Variants in CNDP2 observed in about 807,000 individuals in gnomAD.
CNDP2 encodes carnosine dipeptidase 2, also known as cytosolic non-specific dipeptidase.
CNDP2 carries 38 observed loss-of-function variants against 55.0 expected under a neutral mutation model. That is an observed-to-expected ratio of 0.69 (90% CI 0.53 to 0.90). The LOEUF (loss-of-function observed/expected upper bound fraction) is 0.90. Ranked by LOEUF, CNDP2 falls within the 40% of genes least tolerant of loss-of-function variation. The pLI is 0.00. For missense variants in CNDP2, 607 were observed against 621.7 expected (o/e 0.98, Z 0.25); for synonymous variants, 241 against 260.2 (o/e 0.93, Z 0.71).
chr18:74,518,750 G>A (rs1416795675), intron 10 of CNDP2, 110 bp downstream of exon 10: 7 of 1,492,264 alleles, frequency 4.7e-6, no homozygotes, highest in Non-Finnish European at 6.4e-6. Flanking sequence ...GCTGTATCGT[G>A]GGGGCGTGTA....
rs900622833 is a variant in CNDP2 at position 74,520,988 on chromosome 18, C to G, written c.*920C>G. The G allele has an allele frequency of 9.2e-5, 14 of 152,196 alleles. No homozygotes were observed. Among genetic ancestry groups the G allele is most frequent in the African/African-American group, 3.1e-4 (13 of 41,440 alleles). The allele number at this position is 152,196 out of a possible 1,614,324, so 9.4% of individuals were successfully genotyped here. On this transcript the variant is annotated 3_prime_UTR_variant, in exon 12 of 12. Coordinates refer to ENST00000324262, the MANE Select transcript of CNDP2 (RefSeq NM_018235.3). ...TCTCTCGCTATCTGCGGGTCCTGTC[C>G]TTTTCTCAAGACCTTCACCATTACT...
intron 3 of CNDP2, among the ~76,000 whole-genome samples, chr18:74,502,455 G>T (rs1251489556): frequency 1.4e-5 from 2 of 147,940 alleles, no homozygotes. Flanking sequence ...ATATATGTGT[G>T]TTTTTTTTGT....
rs147081657 is a variant in CNDP2, at chr18:74,518,536, G to A, written c.1106G>A (p.Arg369His). The A allele has an allele frequency of 5.6e-5, 90 of 1,614,052 alleles. No homozygotes were observed. Among genetic ancestry groups the A allele is most frequent in the South Asian group, 1.1e-4 (10 of 91,080 alleles). ...SYLTKKFAEL[R>H]SPNEFKVYMG... ...CTAACTAAGAAGTTTGCTGAACTACGCAGCCCCAATGAGTTCAAGGTGTAC... is the reference window on the plus strand; with the variant it reads ...CTAACTAAGAAGTTTGCTGAACTACACAGCCCCAATGAGTTCAAGGTGTAC... The change falls in exon 10 of 12, where the codon CGC (arginine) becomes CAC (histidine). Residue 369 changes from arginine (R) to histidine (H), a missense_variant. Physicochemically the swap from Arg to His is conservative, Grantham distance 29 (BLOSUM62 0). Coordinates refer to ENST00000324262, the MANE Select transcript of CNDP2 (RefSeq NM_018235.3).
intron 8 of CNDP2, among the ~76,000 whole-genome samples, chr18:74,515,540 A>G (rs1979617401): frequency 6.6e-6 from 1 of 152,172 alleles, no homozygotes; most frequent in Admixed American, 6.5e-5. Flanking sequence ...ACAGAAATCT[A>G]CACATTCAGT....
At position 74,508,939 on chromosome 18, in the gene CNDP2, C is replaced by T. The variant is rs199565959; in HGVS notation, c.456+11C>T. 6.2e-6 allele frequency: 10 copies of T among 1,612,038 alleles called. No individual in the cohort carries two copies. The South Asian group carries it at 6.6e-5, about 11-fold the overall frequency. The stretch of plus-strand genomic sequence containing the variant: ...CAGAAAACAGGCCAGGTATGCCCCC[C>T]ACGCTGACTTCTGCCTGAGTCCTGG... On this transcript the variant is annotated intron_variant, in intron 5 of 11. Transcript: ENST00000324262.
chr18:74,507,618 C>G (rs1979105051), intron 4 of CNDP2: 3 of 152,760 alleles, frequency 2.0e-5, no homozygotes, highest in Non-Finnish European at 4.4e-5. Context: ...GCCTGTGCTG[C>G]TCAAAACTGC....
chr18:74,519,409 A>T (rs1386946115), intron 11 of CNDP2, among the ~76,000 whole-genome samples: 1 of 152,142 alleles, frequency 6.6e-6, no homozygotes, highest in Admixed American at 6.5e-5. Flanking sequence ...TGCTAACTGC[A>T]CACGTTGCTG....
chr18:74,513,347 C>T (rs1052563359), intron 7 of CNDP2, among the ~76,000 whole-genome samples: 1 of 152,084 alleles, frequency 6.6e-6, no homozygotes, highest in Non-Finnish European at 1.5e-5. Flanking sequence ...AGGCCCCGGA[C>T]GGTGCCTGAC....
chr18:74,516,267 T>C lies in CNDP2; in HGVS notation c.943T>C (p.Ser315Pro). 6.2e-7 allele frequency: 1 copy of C among 1,614,016 alleles called. No individual in the cohort carries two copies. The highest frequency in any genetic ancestry group is 8.5e-7 in the Non-Finnish European group (1 of 1,179,956). The change falls in exon 9 of 12, where the codon TCC becomes CCC. Residue 315 changes from serine (S) to proline (P), a missense_variant. By Grantham distance (74) the Ser-to-Pro change is moderately conservative (BLOSUM62 -1). Transcript: ENST00000324262. ...LMHRWRYPSLSLHGIEGAFSG... is the reference protein window; with the variant it reads ...LMHRWRYPSLPLHGIEGAFSG... ...GCACCGATGGCGGTACCCGTCTCTG[T>C]CCCTCCATGGCATCGAAGGCGCCTT...
intron 10 of CNDP2, 109 bp downstream of exon 10, chr18:74,518,749 T>C (rs1190071276): frequency 1.3e-6 from 2 of 1,493,028 alleles, no homozygotes; most frequent in African/African-American, 2.8e-5. Flanking sequence ...TGCTGTATCG[T>C]GGGGGCGTGT....
chr18:74,516,252 C>A lies in CNDP2; in HGVS notation c.928C>A (p.Arg310=). Residue 310 remains arginine, a synonymous_variant, in exon 9 of 12, where the codon CGG becomes AGG. Transcript: ENST00000324262. ...HKKDILMHRW[R]YPSLSLHGIE... is the part of the protein sequence containing the mutation. ...GAAAGACATCCTCATGCACCGATGG[C>A]GGTACCCGTCTCTGTCCCTCCATGG... is the stretch of plus-strand genomic sequence containing the variant. 6.2e-7 allele frequency: 1 copy of A among 1,613,450 alleles called. No homozygotes were observed. Among genetic ancestry groups the A allele is most frequent in the Non-Finnish European group, 8.5e-7 (1 of 1,179,608 alleles).
chr18:74,503,434 G>A (rs1978825652), intron 3 of CNDP2, among the ~76,000 whole-genome samples: 1 of 152,184 alleles, frequency 6.6e-6, no homozygotes, highest in Non-Finnish European at 1.5e-5. Flanking sequence ...GTGTTTTCCT[G>A]TGTCAGTGCA....
Position 74,518,964 on chromosome 18 carries a change from C to T in CNDP2, c.1226C>T (p.Pro409Leu). ...TTCCCCCCAGTTTTTGGTGTTGAGCCAGACTTGACCAGGGAAGGCGGCAGT... is the reference window on the plus strand; with the variant it reads ...TTCCCCCCAGTTTTTGGTGTTGAGCTAGACTTGACCAGGGAAGGCGGCAGT... ...RAMKTVFGVE[P>L]DLTREGGSIP... is the part of the protein sequence containing the mutation. The change falls in exon 11 of 12, where the codon CCA becomes CTA. Residue 409 changes from proline (P) to leucine (L), a missense_variant. Pro to Leu is a moderately conservative substitution (Grantham distance 98). Transcript: ENST00000324262. 6.2e-7 allele frequency: 1 copy of T among 1,614,158 alleles called. No individual in the cohort carries two copies. Among genetic ancestry groups the T allele is most frequent in the Non-Finnish European group, 8.5e-7 (1 of 1,180,038 alleles).
intron 8 of CNDP2, among the ~76,000 whole-genome samples, chr18:74,514,237 G>A (rs1042389669): frequency 8.6e-5 from 13 of 151,382 alleles, no homozygotes; most frequent in South Asian, 2.1e-4. Context: ...TGAGTTCTGC[G>A]GGCTATAGAT....
chr18:74,523,067 G>A lies in CNDP2; in HGVS notation c.*2999G>A, dbSNP rs1022109943. 1 of 152,328 alleles carries A rather than the reference G, an allele frequency of 6.6e-6. No homozygotes were observed. Among genetic ancestry groups the A allele is most frequent in the Non-Finnish European group, 1.5e-5 (1 of 68,154 alleles). The allele number at this position is 152,328 out of a possible 1,614,324, so 9.4% of individuals were successfully genotyped here. A position where few individuals can be genotyped will look rare whatever the true frequency, so the allele number is the denominator to read the frequency against. On this transcript the variant is annotated 3_prime_UTR_variant, in exon 12 of 12. Transcript: ENST00000324262. ...TTTCCAGGAGCACAAGGGCAATCTC[G>A]ACAGCTCCACGTTCCCAGTGCCCGA...
intron 11 of CNDP2, among the ~76,000 whole-genome samples, 155 bp downstream of exon 11, chr18:74,519,251 A>G (rs1238900258): frequency 1.3e-5 from 2 of 152,118 alleles, no homozygotes; most frequent in African/African-American, 4.8e-5. Flanking sequence ...GGAACTTCAG[A>G]TGGGAGGCAG....
At chr18:74,496,706 C>G (rs571855799) in intron 1 of CNDP2, among the ~76,000 whole-genome samples, 2 of 152,340 alleles carry the variant, frequency 1.3e-5, no homozygotes, top group South Asian at 2.1e-4. Flanking sequence ...TACGCAGGGA[C>G]AAGCTGGGCG....
intron 4 of CNDP2, chr18:74,507,892 G>A (rs916560869): frequency 2.0e-5 from 3 of 152,310 alleles, no homozygotes; most frequent in Admixed American, 1.3e-4. Flanking sequence ...AGCCGCTGTA[G>A]TTGTTCAGTG....
At chr18:74,503,543 G>GTATT (rs1896302731) in intron 3 of CNDP2, among the ~76,000 whole-genome samples, 1 of 152,258 alleles carries the variant, frequency 6.6e-6, no homozygotes, top group African/African-American at 2.4e-5. Context: ...AAATGCCTAA[G>GTATT]TATTTCAGAG....
Sources: gnomAD v4.1 joint callset for allele counts (sites outside exome capture counted in the v4.1 genomes callset) on GRCh38, gnomAD v4.1.1 for gene constraint, MANE v1.5 for transcripts, NCBI Gene and HGNC (gene_info 2026-07-23, HGNC 2026-07-21) for gene names.